Variants in CFAP20DC observed in about 807,000 individuals in gnomAD.
The protein encoded by CFAP20DC is CFAP20 domain containing, also known as protein CFAP20DC.
In CFAP20DC, 84 loss-of-function variants were observed where a neutral mutation model predicts 101.7. The observed-to-expected ratio is 0.83, with a 90% CI of 0.69 to 0.99. CFAP20DC has a LOEUF of 0.99. Ranked by LOEUF, CFAP20DC falls within the 50% of genes least tolerant of loss-of-function variation. The pLI is 0.00. For synonymous variants in CFAP20DC, 359 were observed against 351.2 expected, an observed-to-expected ratio of 1.02 and a Z score of -0.25; for missense variants, 1,007 against 970.3, an observed-to-expected ratio of 1.04 and a Z score of -0.50.
intron 16 of CFAP20DC, among the ~76,000 whole-genome samples, chr3:58,745,084 G>A (rs1170399169): frequency 6.6e-6 from 1 of 152,166 alleles, no homozygotes; most frequent in Non-Finnish European, 1.5e-5. Flanking sequence ...AAGGAAGGCT[G>A]CGTTTCCTTT....
intron 15 of CFAP20DC, among the ~76,000 whole-genome samples, chr3:58,779,690 C>CAA (rs1297726811): frequency 6.6e-6 from 1 of 151,942 alleles, no homozygotes; most frequent in Non-Finnish European, 1.5e-5. Context: ...AAAGAAGGAG[C>CAA]AAAACATTCA....
At chr3:58,814,431 C>G (rs923284344) in intron 14 of CFAP20DC, among the ~76,000 whole-genome samples, 3 of 151,416 alleles carry the variant, frequency 2.0e-5, no homozygotes, top group East Asian at 3.9e-4. Flanking sequence ...GAAGCATTCC[C>G]TTTGAAAACT....
rs762494419 is a variant in CFAP20DC, at chr3:58,874,496, C to T, written c.716-4187G>A. On this transcript the variant is annotated intron_variant, in intron 7 of 16. Transcript: ENST00000482387. This position sits in a 1 kb window ranked among gnomAD's most constrained non-coding sequence, Gnocchi z 5.1. ...TAAGATGAAGGCTCTTAACATTGCC[C>T]GCAAAACCCTGCATGTTCTGACATG... Among the ~76,000 whole-genome samples the T allele has an allele frequency of 7.9e-5, 12 of 152,050 alleles. No homozygotes were observed. The South Asian group carries it at 1.0e-3, about 13-fold the overall frequency.
chr3:58,821,445 C>G (rs1034999065), intron 14 of CFAP20DC, among the ~76,000 whole-genome samples: 4 of 151,974 alleles, frequency 2.6e-5, no homozygotes, highest in African/African-American at 7.3e-5. Flanking sequence ...AACAAATTCA[C>G]AAGAAAAAAA....
downstream of CFAP20DC, among the ~76,000 whole-genome samples, chr3:58,739,652 C>G (rs146539814): frequency 7.8e-4 from 119 of 152,296 alleles, no homozygotes; most frequent in African/African-American, 2.8e-3. Flanking sequence ...TTCCAGTGCC[C>G]AGGCTACACC....
chr3:58,794,462 T>C (rs2073087940), intron 15 of CFAP20DC: 2 of 358,078 alleles, frequency 5.6e-6, no homozygotes, highest in Admixed American at 5.9e-5. Flanking sequence ...TTGACTTCTA[T>C]GGTATTTATT....
intron 5 of CFAP20DC, among the ~76,000 whole-genome samples, chr3:58,932,109 A>G (rs1343941076): frequency 6.6e-6 from 1 of 152,262 alleles, no homozygotes; most frequent in Non-Finnish European, 1.5e-5. Context: ...CCAAGGCTTG[A>G]GAACTACGTG....
intron 16 of CFAP20DC, among the ~76,000 whole-genome samples, chr3:58,745,826 AT>A (rs1017178538): frequency 8.5e-5 from 13 of 152,252 alleles, no homozygotes; most frequent in African/African-American, 2.9e-4. Flanking sequence ...TCCAAATCCC[AT>A]TTCTACCATA....
At chr3:59,036,146 T>G (rs2094098878) in intron 4 of CFAP20DC, among the ~76,000 whole-genome samples, 1 of 152,180 alleles carries the variant, frequency 6.6e-6, no homozygotes, top group Non-Finnish European at 1.5e-5. Flanking sequence ...ATGGAATGTA[T>G]CTCAAAATAA....
At chr3:58,764,221 T>C (rs1315533918) in intron 15 of CFAP20DC, among the ~76,000 whole-genome samples, 1 of 152,154 alleles carries the variant, frequency 6.6e-6, no homozygotes, top group Non-Finnish European at 1.5e-5. Context: ...TTACCTACTC[T>C]AGCCTCAGCA....
rs953734298 is a variant in CFAP20DC, at chr3:58,874,723, A to G, written c.716-4414T>C. On this transcript the variant is annotated intron_variant, in intron 7 of 16. Transcript: ENST00000482387. This position sits in a 1 kb window ranked among gnomAD's most constrained non-coding sequence, Gnocchi z 5.1. Reference sequence around the variant, plus strand: ...TCTGATTAGGGTAAGTTCCTCCAATATAGGCTCTTCCATAAATTTTCCCTC... The same window carrying G: ...TCTGATTAGGGTAAGTTCCTCCAATGTAGGCTCTTCCATAAATTTTCCCTC... 1.1e-4 allele frequency among the ~76,000 whole-genome samples: 16 copies of G among 152,088 alleles called. No homozygotes were observed. The highest frequency in any genetic ancestry group is 3.9e-4 in the African/African-American group (16 of 41,406).
intron 6 of CFAP20DC, among the ~76,000 whole-genome samples, chr3:58,905,565 T>C (rs1207043576): frequency 6.6e-6 from 1 of 152,228 alleles, no homozygotes; most frequent in Non-Finnish European, 1.5e-5. Context: ...CTTTCTATTA[T>C]ATCCCACTGT....
chr3:58,842,467 A>T (rs1367567192), intron 13 of CFAP20DC, among the ~76,000 whole-genome samples: 6 of 151,924 alleles, frequency 3.9e-5, no homozygotes, highest in Non-Finnish European at 8.8e-5. Context: ...CGGCTTAAAA[A>T]ACGGCGCACC....
At chr3:58,807,532 A>T (rs1396944090) in intron 14 of CFAP20DC, among the ~76,000 whole-genome samples, 2 of 152,352 alleles carry the variant, frequency 1.3e-5, no homozygotes, top group African/African-American at 4.8e-5. Flanking sequence ...AAAACTAACA[A>T]ACAGAAAGGA....
At chr3:58,831,468 T>C (rs2076387984) in intron 14 of CFAP20DC, among the ~76,000 whole-genome samples, 2 of 152,248 alleles carry the variant, frequency 1.3e-5, no homozygotes. Flanking sequence ...TATCATCATA[T>C]ATACATTTTC....
intron 13 of CFAP20DC, among the ~76,000 whole-genome samples, chr3:58,840,914 A>G (rs538284986): frequency 1.3e-5 from 2 of 152,332 alleles, no homozygotes; most frequent in East Asian, 3.9e-4. Flanking sequence ...AGAAAGAACA[A>G]AGCCAGGACT....
At chr3:59,022,701 TTTA>T (rs1157476001) in intron 4 of CFAP20DC, among the ~76,000 whole-genome samples, 2 of 152,068 alleles carry the variant, frequency 1.3e-5, no homozygotes, top group African/African-American at 4.8e-5. Context: ...TTTGAAATAG[TTTA>T]TTATAATATA....
Position 58,937,716 on chromosome 3 carries a change from C to T in CFAP20DC, c.325G>A (p.Val109Ile), listed in dbSNP as rs770922449. The T allele has an allele frequency of 3.1e-6, 5 of 1,611,974 alleles. No homozygotes were observed. The South Asian group carries it at 4.4e-5, about 14-fold the overall frequency. Reference sequence around the variant, plus strand: ...GGGGTGGAGGATAGTTCCTTATGGACCGTTGATAAATATAATCTTCTTTTG... The same window carrying T: ...GGGGTGGAGGATAGTTCCTTATGGATCGTTGATAAATATAATCTTCTTTTG... ...NIKRRLYLST[V>I]HKELSSTPLH... is the part of the protein sequence containing the mutation. The change falls in exon 5 of 17, where the codon GTC becomes ATC. Residue 109 changes from valine (V) to isoleucine (I), a missense_variant. Transcript: ENST00000482387.
At chr3:58,911,618 T>C (rs1156584108) in intron 6 of CFAP20DC, among the ~76,000 whole-genome samples, 2 of 152,106 alleles carry the variant, frequency 1.3e-5, no homozygotes, top group Admixed American at 6.6e-5. Context: ...TAGTAACACT[T>C]ATAATACACC....
Sources: allele counts gnomAD v4.1 joint callset (sites outside exome capture counted in the v4.1 genomes callset), GRCh38; gene constraint gnomAD v4.1.1; non-coding constraint Gnocchi (gnomAD v3.1); transcripts MANE v1.5; gene names NCBI Gene and HGNC (gene_info 2026-07-23, HGNC 2026-07-21).